Variants in CUX2 observed in about 807,000 individuals in gnomAD.
CUX2 encodes the protein cut like homeobox 2, also known as homeobox protein cut-like 2.
In CUX2, 40 loss-of-function variants were observed where a neutral mutation model predicts 144.8. That is an observed-to-expected ratio of 0.28 (90% CI 0.21 to 0.36). The LOEUF (loss-of-function observed/expected upper bound fraction) is 0.36, where lower values mean the gene tolerates loss of function less well. Ranked by LOEUF, CUX2 falls within the 10% of genes least tolerant of loss-of-function variation. CUX2 has a pLI of 1.00. For synonymous variants in CUX2, 827 were observed against 875.6 expected (o/e 0.94, Z 0.98); for missense variants, 1,615 against 1,994.0 (o/e 0.81, Z 3.62).
At chr12:111,115,386 C>T (rs963764744) in intron 1 of CUX2, among the ~76,000 whole-genome samples, 21 of 149,076 alleles carry the variant, frequency 1.4e-4, no homozygotes, top group African/African-American at 4.0e-4. Flanking sequence ...CCCAGGTTCA[C>T]GCCATTCTCC....
chr12:111,038,407 C>T (rs1032085139), intron 1 of CUX2, among the ~76,000 whole-genome samples: 12 of 152,310 alleles, frequency 7.9e-5, no homozygotes, highest in African/African-American at 2.6e-4. Flanking sequence ...CAATTGCAGC[C>T]GAGGTGGGGA....
intron 1 of CUX2, among the ~76,000 whole-genome samples, chr12:111,055,711 G>A (rs773358017): frequency 4.6e-5 from 7 of 152,088 alleles, no homozygotes; most frequent in African/African-American, 2.4e-5. Context: ...CTGCCCCAGC[G>A]GTCCCATCGG....
intron 1 of CUX2, among the ~76,000 whole-genome samples, chr12:111,053,676 C>T (rs1870384959): frequency 6.6e-6 from 1 of 152,214 alleles, no homozygotes; most frequent in Admixed American, 6.5e-5. Context: ...GGTTGGATGT[C>T]TTCTTTTAGG....
chr12:111,040,360 C>T (rs1456373982), intron 1 of CUX2, among the ~76,000 whole-genome samples: 6 of 151,976 alleles, frequency 3.9e-5, no homozygotes, highest in Non-Finnish European at 7.4e-5. Flanking sequence ...CCTGACAGAT[C>T]CCCCAGGATC....
At chr12:111,176,748 G>C (rs1015221844) in intron 1 of CUX2, among the ~76,000 whole-genome samples, 1 of 152,150 alleles carries the variant, frequency 6.6e-6, no homozygotes, top group Non-Finnish European at 1.5e-5. Context: ...GCTTTCCTTT[G>C]TTGGGCTGAA....
chr12:111,237,292 AGCCTTT>A (rs1882804909), intron 3 of CUX2, among the ~76,000 whole-genome samples: 1 of 152,282 alleles, frequency 6.6e-6, no homozygotes, highest in African/African-American at 2.4e-5. Flanking sequence ...CAGGCTTCTG[AGCCTTT>A]GTACATTCTG....
intron 18 of CUX2, among the ~76,000 whole-genome samples, chr12:111,324,316 G>A (rs1247945777): frequency 8.9e-5 from 13 of 146,132 alleles, no homozygotes; most frequent in Admixed American, 2.8e-4. Context: ...TCACCATTGC[G>A]CTCCAGCCTG....
At chr12:111,120,959 C>T (rs61943038) in intron 1 of CUX2, among the ~76,000 whole-genome samples, 19 of 152,116 alleles carry the variant, frequency 1.2e-4, no homozygotes, top group Non-Finnish European at 2.8e-4. Context: ...CTCAGAAGCT[C>T]AAGGTATTCC....
rs1247328319 is a variant in CUX2 at position 111,304,819 on chromosome 12, A to C, written c.858+505A>C. Among the ~76,000 whole-genome samples the C allele has an allele frequency of 6.6e-6, 1 of 152,184 alleles. No individual in the cohort carries two copies. Among genetic ancestry groups the C allele is most frequent in the East Asian group, 1.9e-4 (1 of 5,194 alleles). On this transcript the variant is annotated intron_variant, in intron 10 of 21. Coordinates refer to ENST00000261726, the MANE Select transcript of CUX2 (RefSeq NM_015267.4). This position sits in a 1 kb window ranked among gnomAD's most constrained non-coding sequence, Gnocchi z 4.7. ...GATGCCCCTGCTGGTTTTCAGTCCC[A>C]AAACTGGGTACTTTTAGGAGTGTGA...
At chr12:111,180,111 C>A (rs892572372) in intron 1 of CUX2, among the ~76,000 whole-genome samples, 1 of 151,652 alleles carries the variant, frequency 6.6e-6, no homozygotes, top group South Asian at 2.1e-4. Context: ...ACCCTCCCCC[C>A]ACCTCACCCT....
At chr12:111,081,786 G>A (rs1871903809) in intron 1 of CUX2, among the ~76,000 whole-genome samples, 1 of 152,196 alleles carries the variant, frequency 6.6e-6, no homozygotes, top group South Asian at 2.1e-4. Flanking sequence ...AGATAAGCAG[G>A]TGCTGTTCTG....
chr12:111,158,035 T>C (rs75778277), intron 1 of CUX2, among the ~76,000 whole-genome samples: 1,598 of 152,168 alleles, frequency 0.011, 36 homozygotes, highest in African/African-American at 0.037. Context: ...TGGAGAGATG[T>C]GCAAAGGACC....
intron 1 of CUX2, among the ~76,000 whole-genome samples, chr12:111,115,439 C>A (rs1874237851): frequency 6.6e-6 from 1 of 151,932 alleles, no homozygotes; most frequent in African/African-American, 2.4e-5. Flanking sequence ...GTGCCTGCCA[C>A]CATGCCCGGC....
Position 111,035,111 on chromosome 12 carries a change from G to T in CUX2, c.63+871G>T, listed in dbSNP as rs1040194176. Among the ~76,000 whole-genome samples, 1 of 152,136 alleles carries T rather than the reference G, an allele frequency of 6.6e-6. No homozygotes were observed. Among genetic ancestry groups the T allele is most frequent in the Non-Finnish European group, 1.5e-5 (1 of 68,016 alleles). ...GCAGAGCAGGTGACTCCCAGCCCTC[G>T]GGCCCAAGGGAACTTTTAAATGAGA... On this transcript the variant is annotated intron_variant, in intron 1 of 21. Coordinates refer to ENST00000261726, the MANE Select transcript of CUX2 (RefSeq NM_015267.4). This position sits in a 1 kb window ranked among gnomAD's most constrained non-coding sequence, Gnocchi z 6.0.
chr12:111,308,688 G>A (rs772483605), intron 14 of CUX2, among the ~76,000 whole-genome samples, 162 bp downstream of exon 14: 4 of 152,138 alleles, frequency 2.6e-5, no homozygotes, highest in Non-Finnish European at 5.9e-5. Flanking sequence ...TGTCCTGCAG[G>A]GCATCCACAA....
chr12:111,301,928 G>C lies in CUX2; in HGVS notation c.754-2282G>C, dbSNP rs552864605. 3.3e-5 allele frequency among the ~76,000 whole-genome samples: 5 copies of C among 152,332 alleles called. No homozygotes were observed. In the South Asian group the frequency reaches 1.0e-3, roughly 32 times the overall value. On this transcript the variant is annotated intron_variant, in intron 9 of 21. Transcript: ENST00000261726. ...GGGTTCTCAGTAGCTAATCAGCCAT[G>C]AGTTGAATTTTCAAGGCTTGTCCTT...
At chr12:111,283,559 A>G (rs1885234337) in intron 4 of CUX2, among the ~76,000 whole-genome samples, 1 of 152,130 alleles carries the variant, frequency 6.6e-6, no homozygotes. Flanking sequence ...GCATAACCCC[A>G]TGCCGTAGGT....
At chr12:111,231,060 A>G (rs1037489821) in intron 3 of CUX2, among the ~76,000 whole-genome samples, 2 of 152,174 alleles carry the variant, frequency 1.3e-5, no homozygotes, top group Non-Finnish European at 2.9e-5. Context: ...GTAACATAAA[A>G]TTTACCGTCT....
chr12:111,348,305 G>T lies in CUX2; in HGVS notation c.4441G>T (p.Ala1481Ser), dbSNP rs765914714. The T allele has an allele frequency of 1.2e-4, 188 of 1,611,026 alleles. 1 individual carries two copies. The South Asian group carries it at 1.9e-3, about 17-fold the overall frequency. Residue 1481 changes from alanine to serine, a missense_variant, in exon 22 of 22, where the codon GCC becomes TCC. Around this residue, in one of 12 missense-constraint regions of CUX2, gnomAD observed 298 missense variants for 330.4 expected, o/e 0.90. Coordinates refer to ENST00000261726, the MANE Select transcript of CUX2 (RefSeq NM_015267.4). ...RVERAANREEALEWEF is the reference protein window; with the variant it reads ...RVERAANREESLEWEF ...AGAGCGGGCTGCCAATCGGGAGGAG[G>T]CCCTGGAGTGGGAGTTCTGAAGGCA...
Sources: gnomAD v4.1 joint callset for allele counts (sites outside exome capture counted in the v4.1 genomes callset) on GRCh38, gnomAD v4.1.1 for gene constraint, gnomAD v4.1.1 regional missense constraint, Gnocchi (gnomAD v3.1) non-coding constraint, MANE v1.5 for transcripts, NCBI Gene and HGNC (gene_info 2026-07-23, HGNC 2026-07-21) for gene names.